Variants in ZBTB43 observed in about 807,000 individuals in gnomAD.
The protein encoded by ZBTB43 is zinc finger and BTB domain containing 43.
Under a neutral mutation model 31.1 loss-of-function variants are expected in ZBTB43, and 6 were observed. That is an observed-to-expected ratio of 0.19 (90% confidence interval 0.11 to 0.38). The LOEUF (loss-of-function observed/expected upper bound fraction) is 0.38, where lower values mean the gene tolerates loss of function less well. ZBTB43 is among the 10% of genes least tolerant of loss of function. ZBTB43 has a pLI of 1.00. For synonymous variants in ZBTB43, 212 were observed against 221.7 expected (o/e 0.96, Z 0.39); for missense variants, 379 against 602.1 (o/e 0.63, Z 3.88).
At position 126,833,089 on chromosome 9, in the gene ZBTB43, T is replaced by C. The variant is rs766919021; in HGVS notation, c.580T>C (p.Tyr194His). ...ELSSQLTEHE[Y>H]LPSNSSTEHD... ...GTCATCCCAGCTCACCGAGCACGAA[T>C]ACCTGCCCAGCAACTCGTCCACAGA... The change falls in exon 3 of 3, where the codon TAC (tyrosine) becomes CAC (histidine). Residue 194 changes from tyrosine (Y) to histidine (H), a missense_variant. This residue lies in a region of ZBTB43 where 253 missense variants were observed against 322.3 expected (regional missense o/e 0.79). Coordinates refer to ENST00000373464, the MANE Select transcript of ZBTB43 (RefSeq NM_014007.4). The surrounding 1 kb of genome is among the most constrained non-coding windows in gnomAD (Gnocchi z 7.9). 6 of 1,613,914 alleles carry C rather than the reference T, an allele frequency of 3.7e-6. No homozygotes were observed. In the African/African-American group the frequency reaches 4.0e-5, roughly 11 times the overall value.
At chr9:126,814,149 A>G (rs1440951211) in intron 2 of ZBTB43, among the ~76,000 whole-genome samples, 1 of 150,778 alleles carries the variant, frequency 6.6e-6, no homozygotes, top group African/African-American at 2.4e-5. Flanking sequence ...TGCTACAATT[A>G]CAGTTCTGTT....
intron 2 of ZBTB43, among the ~76,000 whole-genome samples, chr9:126,825,675 G>A (rs1311499625): frequency 6.6e-6 from 1 of 151,992 alleles, no homozygotes; most frequent in Non-Finnish European, 1.5e-5. Flanking sequence ...ACTCATTTAG[G>A]TTAATTACCT....
chr9:126,812,168 A>G (rs947107286), intron 2 of ZBTB43, among the ~76,000 whole-genome samples: 8 of 152,134 alleles, frequency 5.3e-5, no homozygotes, highest in Non-Finnish European at 1.2e-4. Flanking sequence ...GTCATACAAG[A>G]TACGGCCTTT....
chr9:126,838,163 CT>C lies in ZBTB43; in HGVS notation c.*4254del. 1.2e-5 allele frequency: 2 copies of C among 165,030 alleles called. No individual in the cohort carries two copies. The allele number at this position is 165,030 out of a possible 1,614,324, so 10.2% of individuals were successfully genotyped here. A position where few individuals can be genotyped will look rare whatever the true frequency, so the allele number is the denominator to read the frequency against. On this transcript the variant is annotated 3_prime_UTR_variant, in exon 3 of 3. Transcript: ENST00000373464. ...TTCTTCTTATAGAAGAGATCATGCC[CT>C]TTTGTATGACATGTTTTAATAAATG...
At chr9:126,817,671 T>A (rs2032419104) in intron 2 of ZBTB43, among the ~76,000 whole-genome samples, 1 of 151,846 alleles carries the variant, frequency 6.6e-6, no homozygotes, top group African/African-American at 2.4e-5. Context: ...AGAGATGGGG[T>A]TTCACTGTGT....
In ZBTB43 at chr9:126,819,279, ATTTTTTTTTTT is replaced by A. The variant is rs71377975; in HGVS notation, c.-24+10379_-24+10389del. ...TCATTTTGTGCTTCACGGATATTGCATTTTTTTTTTTTTTTTTTTTTTTTTACAAATAGTCT... is the reference window on the plus strand; with the variant it reads ...TCATTTTGTGCTTCACGGATATTGCATTTTTTTTTTTTTTACAAATAGTCT... On this transcript the variant is annotated intron_variant, in intron 2 of 2. Coordinates refer to ENST00000373464, the MANE Select transcript of ZBTB43 (RefSeq NM_014007.4). Among the ~76,000 whole-genome samples, 340 of 100,194 alleles carry A rather than the reference ATTTTTTTTTTT, an allele frequency of 3.4e-3. 1 individual carries two copies. Among genetic ancestry groups the A allele is most frequent in the Non-Finnish European group, 5.0e-3 (251 of 50,694 alleles). The allele number at this position is 100,194 out of a possible 152,430, so 65.7% of individuals were successfully genotyped here. A position where few individuals can be genotyped will look rare whatever the true frequency, so the allele number is the denominator to read the frequency against.
chr9:126,823,090 G>A (rs915123024), intron 2 of ZBTB43, among the ~76,000 whole-genome samples: 3 of 152,114 alleles, frequency 2.0e-5, no homozygotes, highest in African/African-American at 7.2e-5. Flanking sequence ...TATCTCTGAG[G>A]TATGCCTGTA....
intron 2 of ZBTB43, among the ~76,000 whole-genome samples, chr9:126,816,827 T>C (rs2032395837): frequency 6.6e-6 from 1 of 152,192 alleles, no homozygotes; most frequent in South Asian, 2.1e-4. Context: ...AACTGGCAAA[T>C]GATGGCTATG....
At chr9:126,814,098 A>G (rs188664624) in intron 2 of ZBTB43, among the ~76,000 whole-genome samples, 206 of 152,204 alleles carry the variant, frequency 1.4e-3, no homozygotes, top group Middle Eastern at 3.4e-3. Context: ...TCCTTTGCCT[A>G]CTTGATTTAT....
chr9:126,813,586 T>C (rs1564200355), intron 2 of ZBTB43, among the ~76,000 whole-genome samples: 3 of 152,168 alleles, frequency 2.0e-5, no homozygotes, highest in Non-Finnish European at 2.9e-5. Context: ...CTGATGGTAA[T>C]TTCACCATAA....
intron 2 of ZBTB43, among the ~76,000 whole-genome samples, chr9:126,831,238 AT>A (rs1188670402): frequency 6.6e-6 from 1 of 152,156 alleles, no homozygotes; most frequent in East Asian, 1.9e-4. Context: ...TGCCAAATGC[AT>A]TCCTGCCTCG....
chr9:126,818,270 G>A (rs940587555), intron 2 of ZBTB43, among the ~76,000 whole-genome samples: 4 of 150,408 alleles, frequency 2.7e-5, no homozygotes, highest in African/African-American at 7.3e-5. Flanking sequence ...CTACAGCTGT[G>A]CACCACTATT....
At chr9:126,814,855 T>C (rs1261660071) in intron 2 of ZBTB43, among the ~76,000 whole-genome samples, 2 of 152,046 alleles carry the variant, frequency 1.3e-5, no homozygotes, top group Admixed American at 1.3e-4. Context: ...CTTTCATGGG[T>C]ATAGAATTCT....
rs780632905 is a variant in ZBTB43 at position 126,817,100 on chromosome 9, C to CTTTTTTTTTTTTT, written c.-24+8201_-24+8213dup. Among the ~76,000 whole-genome samples, 7 of 55,320 alleles carry CTTTTTTTTTTTTT rather than the reference C, an allele frequency of 1.3e-4. 1 individual carries two copies. Among genetic ancestry groups the CTTTTTTTTTTTTT allele is most frequent in the African/African-American group, 4.3e-4 (6 of 14,102 alleles). The allele number at this position is 55,320 out of a possible 152,430, so 36.3% of individuals were successfully genotyped here. A position where few individuals can be genotyped will look rare whatever the true frequency, so the allele number is the denominator to read the frequency against. ...CAACTTGGCCCCATTTCCACTGTATCTTTTTTTTTTTTTTTTTTTTTTTTT... is the reference window on the plus strand; with the variant it reads ...CAACTTGGCCCCATTTCCACTGTATCTTTTTTTTTTTTTTTTTTTTTTTTTTTTTTTTTTTTTT... On this transcript the variant is annotated intron_variant, in intron 2 of 2. Transcript: ENST00000373464.
At chr9:126,825,354 C>A (rs1034412404) in intron 2 of ZBTB43, among the ~76,000 whole-genome samples, 3 of 152,080 alleles carry the variant, frequency 2.0e-5, no homozygotes, top group Non-Finnish European at 4.4e-5. Flanking sequence ...CATTGAACCC[C>A]CTCTTATGAA....
intron 2 of ZBTB43, among the ~76,000 whole-genome samples, chr9:126,822,383 A>AT (rs2119142587): frequency 6.6e-6 from 1 of 152,332 alleles, no homozygotes; most frequent in South Asian, 2.1e-4. Context: ...ACAGCATTGC[A>AT]TGCTACAGAG....
At chr9:126,822,207 T>C (rs2032528729) in intron 2 of ZBTB43, among the ~76,000 whole-genome samples, 1 of 151,240 alleles carries the variant, frequency 6.6e-6, no homozygotes, top group Admixed American at 6.6e-5. Context: ...ATGGTTAGTG[T>C]TAGTGTGTTT....
chr9:126,817,467 G>A (rs2032412529), intron 2 of ZBTB43, among the ~76,000 whole-genome samples: 1 of 144,080 alleles, frequency 6.9e-6, no homozygotes, highest in Admixed American at 7.0e-5. Context: ...TGAATATAAT[G>A]TTCCATGAAG....
intron 2 of ZBTB43, among the ~76,000 whole-genome samples, chr9:126,828,247 G>A (rs1453235718): frequency 6.2e-4 from 94 of 151,322 alleles, no homozygotes; most frequent in African/African-American, 2.0e-3. Flanking sequence ...GCAGTGGCGC[G>A]ATCTCGGCTC....
Sources: allele counts gnomAD v4.1 joint callset (sites outside exome capture counted in the v4.1 genomes callset), GRCh38; gene constraint gnomAD v4.1.1; regional missense constraint gnomAD v4.1.1; non-coding constraint Gnocchi (gnomAD v3.1); transcripts MANE v1.5; gene names NCBI Gene and HGNC (gene_info 2026-07-23, HGNC 2026-07-21).